Variants in RSF1 observed in about 807,000 individuals in gnomAD.
RSF1 encodes remodeling and spacing factor 1.
A neutral mutation model predicts 145.2 loss-of-function variants in RSF1; 13 were observed. The observed-to-expected ratio is 0.09, with a 90% CI of 0.06 to 0.14. The LOEUF (loss-of-function observed/expected upper bound fraction) is 0.14, where lower values mean the gene tolerates loss of function less well. RSF1 is among the 10% of genes least tolerant of loss of function. RSF1 has a pLI of 1.00. For missense variants in RSF1, 1,517 were observed against 1,718.2 expected (o/e 0.88, Z 2.07); for synonymous variants, 577 against 592.6 (o/e 0.97, Z 0.38).
intron 1 of RSF1, among the ~76,000 whole-genome samples, chr11:77,766,750 G>A (rs778899880): frequency 2.8e-4 from 42 of 152,212 alleles, no homozygotes; most frequent in Non-Finnish European, 4.0e-4. Context: ...GTTTAAGCAG[G>A]AGAGTCTGTT....
intron 3 of RSF1, among the ~76,000 whole-genome samples, chr11:77,743,423 A>C (rs1179235351): frequency 6.6e-6 from 1 of 152,192 alleles, no homozygotes; most frequent in East Asian, 1.9e-4. Context: ...TTTTCAGTAT[A>C]GAGATCTTTT....
At chr11:77,683,639 A>G in intron 11 of RSF1, 71 bp downstream of exon 11, 1 of 918,564 alleles carries the variant, frequency 1.1e-6, no homozygotes, top group East Asian at 2.4e-5. Flanking sequence ...AAAAGCATAT[A>G]CTTCTGGATC....
the RSF1 span, among the ~76,000 whole-genome samples, chr11:77,843,290 G>A: frequency 6.6e-6 from 1 of 152,106 alleles, no homozygotes; most frequent in Non-Finnish European, 1.5e-5. Context: ...TATTCTCAGT[G>A]TGCCATTCCC....
intron 1 of RSF1, among the ~76,000 whole-genome samples, chr11:77,782,333 G>C (rs1184487101): frequency 1.3e-5 from 2 of 152,200 alleles, no homozygotes; most frequent in Non-Finnish European, 2.9e-5. Context: ...TTTTGGTCAG[G>C]AGCTGGAGAC....
intron 2 of RSF1, among the ~76,000 whole-genome samples, chr11:77,748,953 C>A (rs1948031848): frequency 1.3e-5 from 2 of 152,108 alleles, no homozygotes; most frequent in African/African-American, 4.8e-5. Flanking sequence ...TGTGGCACAC[C>A]ACACAATGGA....
intron 4 of RSF1, among the ~76,000 whole-genome samples, chr11:77,729,923 A>AAAAAAAAAAAAT (rs1961160111): frequency 6.9e-6 from 1 of 144,792 alleles, no homozygotes. Flanking sequence ...AAAAAAAAAA[A>AAAAAAAAAAAAT]TTGTGGAGGC....
At chr11:77,829,134 G>A in the RSF1 span, among the ~76,000 whole-genome samples, 1 of 152,146 alleles carries the variant, frequency 6.6e-6, no homozygotes, top group Non-Finnish European at 1.5e-5. Context: ...ATGTCATGAG[G>A]GTGGGGCCCT....
At chr11:77,872,141 C>G in the RSF1 span, 4 of 1,598,506 alleles carry the variant, frequency 2.5e-6, no homozygotes, top group Non-Finnish European at 3.4e-6. Flanking sequence ...GGGGCCTTTC[C>G]CCCTACTTAC....
intron 2 of RSF1, among the ~76,000 whole-genome samples, chr11:77,747,647 T>C (rs761128643): frequency 6.6e-6 from 1 of 152,156 alleles, no homozygotes; most frequent in Non-Finnish European, 1.5e-5. Flanking sequence ...TGTCTAGGCT[T>C]CTCTTTCTAC....
chr11:77,841,525 G>T, the RSF1 span, among the ~76,000 whole-genome samples: 14 of 152,204 alleles, frequency 9.2e-5, no homozygotes, highest in Admixed American at 9.2e-4. Flanking sequence ...GTGTGTACAG[G>T]GGAGTGCGTT....
chr11:77,803,338 G>T (rs1365641296), intron 1 of RSF1, among the ~76,000 whole-genome samples: 1 of 151,700 alleles, frequency 6.6e-6, no homozygotes, highest in Non-Finnish European at 1.5e-5. Flanking sequence ...TGTAGAGACA[G>T]GTTTCAACAT....
intron 1 of RSF1, among the ~76,000 whole-genome samples, chr11:77,795,696 C>A (rs1948565351): frequency 6.6e-6 from 1 of 152,170 alleles, no homozygotes; most frequent in Non-Finnish European, 1.5e-5. Context: ...CTCTATTTCT[C>A]ATCAAACACA....
At chr11:77,690,176 A>AC (rs1403398146) in intron 9 of RSF1, among the ~76,000 whole-genome samples, 7 of 151,732 alleles carry the variant, frequency 4.6e-5, no homozygotes, top group Admixed American at 6.6e-5. Context: ...AAAAAAAAAA[A>AC]AAAACAAAAA....
chr11:77,675,392 T>C, intron 13 of RSF1, 136 bp from the exon 14 acceptor site: 1 of 650,312 alleles, frequency 1.5e-6, no homozygotes, highest in Middle Eastern at 3.4e-4. Context: ...TTGTATCAAA[T>C]GCCCTATTTA....
upstream of RSF1, among the ~76,000 whole-genome samples, chr11:77,821,831 G>GAAGC (rs533478311): frequency 6.6e-6 from 1 of 152,136 alleles, no homozygotes; most frequent in Non-Finnish European, 1.5e-5. Context: ...GTTATGCTTA[G>GAAGC]AAGCCTGAGC....
intron 1 of RSF1, among the ~76,000 whole-genome samples, chr11:77,765,603 T>C (rs11237287): frequency 6.6e-6 from 1 of 152,288 alleles, no homozygotes; most frequent in East Asian, 1.9e-4. Flanking sequence ...CCTTCAAATA[T>C]TTGAGGACTG....
intron 5 of RSF1, among the ~76,000 whole-genome samples, chr11:77,723,814 CATA>C (rs1163424182): frequency 3.9e-5 from 6 of 152,124 alleles, no homozygotes; most frequent in Admixed American, 3.9e-4. Flanking sequence ...GCAAAGAAAA[CATA>C]ATAAGGAAAG....
At chr11:77,803,653 C>A (rs190840377) in intron 1 of RSF1, among the ~76,000 whole-genome samples, 1 of 151,956 alleles carries the variant, frequency 6.6e-6, no homozygotes, top group Non-Finnish European at 1.5e-5. Flanking sequence ...GTGGTGCGCA[C>A]CTGTAATCCC....
At chr11:77,808,268 G>A (rs1948697512) in intron 1 of RSF1, among the ~76,000 whole-genome samples, 1 of 151,932 alleles carries the variant, frequency 6.6e-6, no homozygotes, top group African/African-American at 2.4e-5. Flanking sequence ...CAAGGTGGAG[G>A]TTGCAGTGAG....
Sources: allele counts gnomAD v4.1 joint callset (sites outside exome capture counted in the v4.1 genomes callset), GRCh38; gene constraint gnomAD v4.1.1; transcripts MANE v1.5; gene names NCBI Gene and HGNC (gene_info 2026-07-23, HGNC 2026-07-21).